Variants in SLC25A33 observed in about 807,000 individuals in gnomAD.
SLC25A33 encodes the protein solute carrier family 25 member 33, also known as bone marrow stromal cell mitochondrial carrier protein.
Under a neutral mutation model 35.5 loss-of-function variants are expected in SLC25A33, and 15 were observed. That is an observed-to-expected ratio of 0.42 (90% CI 0.28 to 0.65). The LOEUF is 0.65. Ranked by LOEUF, SLC25A33 falls within the 30% of genes least tolerant of loss-of-function variation. SLC25A33 has a pLI of 0.20. For missense variants in SLC25A33, 257 were observed against 398.5 expected (o/e 0.64, Z 3.02); for synonymous variants, 136 against 148.7 (o/e 0.91, Z 0.62).
chr1:9,551,947 A>G (rs937467231), intron 1 of SLC25A33, among the ~76,000 whole-genome samples: 1 of 152,220 alleles, frequency 6.6e-6, no homozygotes, highest in Admixed American at 6.5e-5. Context: ...ATTGTTAATT[A>G]TAACTAGCCC....
At chr1:9,540,104 C>G (rs1016757153) in intron 1 of SLC25A33, among the ~76,000 whole-genome samples, 3 of 152,154 alleles carry the variant, frequency 2.0e-5, no homozygotes, top group Admixed American at 2.0e-4. Flanking sequence ...CCGCCCCCTT[C>G]TCCTGGGGCC....
rs181155984 is a variant in SLC25A33 at position 9,584,457 on chromosome 1, T to C, written c.*1956T>C. The stretch of plus-strand genomic sequence containing the variant: ...CTGTCTCTCCCAGGCTGGAGTGCAG[T>C]GGCACAATCTCGGCTCACTACAGCC... On this transcript the variant is annotated 3_prime_UTR_variant, in exon 7 of 7. Transcript: ENST00000302692. 1 of 152,370 alleles carries C rather than the reference T, an allele frequency of 6.6e-6. No homozygotes were observed. Among genetic ancestry groups the C allele is most frequent in the East Asian group, 1.9e-4 (1 of 5,206 alleles). 9.4% of individuals were successfully genotyped at this position (152,370 alleles called of 1,614,324 possible).
chr1:9,544,625 C>T (rs1189876153), intron 1 of SLC25A33, among the ~76,000 whole-genome samples: 1 of 151,996 alleles, frequency 6.6e-6, no homozygotes, highest in Non-Finnish European at 1.5e-5. Flanking sequence ...AGAAAAGCAC[C>T]TAATGTTTTT....
chr1:9,547,643 A>C (rs1490920322), intron 1 of SLC25A33, among the ~76,000 whole-genome samples: 1 of 151,916 alleles, frequency 6.6e-6, no homozygotes, highest in Non-Finnish European at 1.5e-5. Flanking sequence ...TGTCTTGTGC[A>C]TTGTAGGATA....
At position 9,582,727 on chromosome 1, in the gene SLC25A33, G is replaced by T; in HGVS notation, c.*226G>T. ...TTTTTTTTTAACTTAAGAGGATTCA[G>T]GGTTAAGCACCAACTAAATTAAATC... On this transcript the variant is annotated 3_prime_UTR_variant, in exon 7 of 7. Transcript: ENST00000302692. This position sits in a 1 kb window ranked among gnomAD's most constrained non-coding sequence, Gnocchi z 4.0. 1.9e-6 allele frequency: 1 copy of T among 527,620 alleles called. No individual in the cohort carries two copies. The highest frequency in any genetic ancestry group is 3.3e-6 in the Non-Finnish European group (1 of 301,058). 32.7% of individuals were successfully genotyped at this position (527,620 alleles called of 1,614,324 possible). A position where few individuals can be genotyped will look rare whatever the true frequency, so the allele number is the denominator to read the frequency against.
chr1:9,552,648 A>C (rs994579183), intron 1 of SLC25A33, among the ~76,000 whole-genome samples: 2 of 152,188 alleles, frequency 1.3e-5, no homozygotes, highest in African/African-American at 4.8e-5. Context: ...ACTTTTCTAG[A>C]GTATTCATTG....
At chr1:9,551,483 A>C (rs1202006758) in intron 1 of SLC25A33, among the ~76,000 whole-genome samples, 1 of 152,196 alleles carries the variant, frequency 6.6e-6, no homozygotes, top group Non-Finnish European at 1.5e-5. Context: ...TAGATTTCCA[A>C]CATTTGCCTC....
intron 2 of SLC25A33, among the ~76,000 whole-genome samples, chr1:9,561,542 A>G (rs2100391304): frequency 6.6e-6 from 1 of 152,264 alleles, no homozygotes; most frequent in East Asian, 1.9e-4. Context: ...ATTGTTCCAG[A>G]AAAGTTTTGT....
intron 1 of SLC25A33, among the ~76,000 whole-genome samples, chr1:9,552,105 G>A (rs953148910): frequency 5.9e-5 from 9 of 152,196 alleles, no homozygotes; most frequent in Admixed American, 2.6e-4. Flanking sequence ...ATACTCAAAT[G>A]ATTGGCTTAG....
At chr1:9,581,246 G>T (rs2100416935) in intron 6 of SLC25A33, among the ~76,000 whole-genome samples, 1 of 152,314 alleles carries the variant, frequency 6.6e-6, no homozygotes, top group Non-Finnish European at 1.5e-5. Context: ...GCCCAGGTGG[G>T]CAAAGGCTGG....
chr1:9,577,899 AT>A (rs1643685027), intron 5 of SLC25A33, among the ~76,000 whole-genome samples: 1 of 152,084 alleles, frequency 6.6e-6, no homozygotes, highest in Non-Finnish European at 1.5e-5. Flanking sequence ...CCAAATGTGA[AT>A]AGCGCCAAGG....
chr1:9,555,037 A>T (rs1569851888), intron 2 of SLC25A33, among the ~76,000 whole-genome samples: 1 of 151,270 alleles, frequency 6.6e-6, no homozygotes, highest in East Asian at 2.0e-4. Flanking sequence ...CAGTGTAGAG[A>T]TTTATTTGGG....
At position 9,580,250 on chromosome 1, in the gene SLC25A33, G is replaced by A. The variant is rs201524988; in HGVS notation, c.763+16G>A. ...TATCCACACGGTATGTTTTGCTTTTGTTCTTCCAGAGCAGTAAAACAGCTG... is the reference window on the plus strand; with the variant it reads ...TATCCACACGGTATGTTTTGCTTTTATTCTTCCAGAGCAGTAAAACAGCTG... On this transcript the variant is annotated intron_variant, in intron 6 of 6. Transcript: ENST00000302692. The A allele has an allele frequency of 1.2e-5, 19 of 1,608,540 alleles. No individual in the cohort carries two copies. The highest frequency in any genetic ancestry group is 4.4e-5 in the South Asian group (4 of 90,238).
chr1:9,564,227 A>G (rs9430274), intron 2 of SLC25A33, among the ~76,000 whole-genome samples: 40,366 of 152,064 alleles, frequency 0.27, 6,804 homozygotes, highest in African/African-American at 0.48. Context: ...AGGATTTTCT[A>G]AGTCGCTTTT....
At chr1:9,549,921 CAT>C (rs56191912) in intron 1 of SLC25A33, among the ~76,000 whole-genome samples, 19 of 135,938 alleles carry the variant, frequency 1.4e-4, no homozygotes, top group African/African-American at 2.7e-4. Flanking sequence ...CCACGCCCAA[CAT>C]ATATATATAT....
In SLC25A33 at chr1:9,570,326, A is replaced by G. The variant is rs201475648; in HGVS notation, c.383A>G (p.Asn128Ser). 5.6e-6 allele frequency: 9 copies of G among 1,613,994 alleles called. No homozygotes were observed. Among genetic ancestry groups the G allele is most frequent in the Non-Finnish European group, 7.6e-6 (9 of 1,180,032 alleles). ...AATGGCATTTTCGTGCCTAACAGCA[A>G]TATTGTGCATATTTTCTCAGCTGGC... The part of the protein sequence containing the change: ...QFNGIFVPNS[N>S]IVHIFSAGSA... Residue 128 changes from asparagine to serine, a missense_variant, in exon 4 of 7, where the codon AAT becomes AGT. By Grantham distance (46) the Asn-to-Ser change is conservative (BLOSUM62 1). Coordinates refer to ENST00000302692, the MANE Select transcript of SLC25A33 (RefSeq NM_032315.3).
At chr1:9,564,859 G>A (rs1404198584) in intron 2 of SLC25A33, among the ~76,000 whole-genome samples, 5 of 150,924 alleles carry the variant, frequency 3.3e-5, no homozygotes, top group Non-Finnish European at 7.4e-5. Context: ...AGGAGGTGAA[G>A]GTTGCTGTGA....
chr1:9,542,944 G>T (rs552182050), intron 1 of SLC25A33, among the ~76,000 whole-genome samples: 1 of 151,084 alleles, frequency 6.6e-6, no homozygotes, highest in African/African-American at 2.4e-5. Context: ...CAGCCTCCCC[G>T]GTAGCTGGGA....
intron 1 of SLC25A33, among the ~76,000 whole-genome samples, chr1:9,546,254 G>A (rs889121165): frequency 7.2e-6 from 1 of 139,748 alleles, no homozygotes; most frequent in Non-Finnish European, 1.5e-5. Context: ...GTGCGATCTC[G>A]GCTCACTGCA....
Sources: gnomAD v4.1 joint callset for allele counts (sites outside exome capture counted in the v4.1 genomes callset) on GRCh38, gnomAD v4.1.1 for gene constraint, Gnocchi (gnomAD v3.1) non-coding constraint, MANE v1.5 for transcripts, NCBI Gene and HGNC (gene_info 2026-07-23, HGNC 2026-07-21) for gene names.